PARVB: variants seen among roughly 807,000 people sequenced by gnomAD.
PARVB encodes the protein parvin beta, also known as beta-parvin.
Under a neutral mutation model 47.0 loss-of-function variants are expected in PARVB, and 46 were observed. The observed-to-expected ratio is 0.98, with a 90% CI of 0.77 to 1.25. PARVB has a LOEUF of 1.25. Ranked by LOEUF, PARVB falls within the 50% of genes most tolerant of loss-of-function variation. The probability of loss-of-function intolerance (pLI) is 0.00; values close to 1 mark genes in which losing one functional copy is unlikely to be tolerated. For synonymous variants in PARVB, 196 were observed against 196.3 expected, an observed-to-expected ratio of 1.00 and a Z score of 0.01; for missense variants, 473 against 471.6, an observed-to-expected ratio of 1.00 and a Z score of -0.03.
intron 3 of PARVB, chr22:44,106,505 G>A (rs1368283376): frequency 6.6e-6 from 1 of 152,208 alleles, no homozygotes; most frequent in Non-Finnish European, 1.5e-5. Context: ...ACCGTATGCA[G>A]GCCTGAGCAG....
Position 44,086,811 on chromosome 22 carries a change from A to T in PARVB, c.113-7117A>T, listed in dbSNP as rs145887240. The T allele has an allele frequency of 4.9e-3, 4,779 of 985,220 alleles. 16 individuals are homozygous for T. The highest frequency in any genetic ancestry group is 5.0e-3 in the Non-Finnish European group (4,136 of 829,882). The allele number at this position is 985,220 out of a possible 1,614,324, so 61.0% of individuals were successfully genotyped here. A position where few individuals can be genotyped will look rare whatever the true frequency, so the allele number is the denominator to read the frequency against. On this transcript the variant is annotated intron_variant, in intron 1 of 12. Transcript: ENST00000338758. ...ATTACAGCTTCTACGAAGAAACCAC[A>T]CCCCTCTGAGTACGGATGGAAGTTG...
chr22:44,025,981 CACATAGA>C (rs2050722074), intron 1 of PARVB, among the ~76,000 whole-genome samples: 1 of 152,104 alleles, frequency 6.6e-6, no homozygotes. Flanking sequence ...TGCCCCGGAG[CACATAGA>C]ACAGGGCGAT....
At chr22:44,123,279 C>T (rs975319294) in intron 4 of PARVB, among the ~76,000 whole-genome samples, 9 of 152,190 alleles carry the variant, frequency 5.9e-5, no homozygotes, top group African/African-American at 2.2e-4. Flanking sequence ...TCATTGGTGG[C>T]CCAGATGAGA....
At chr22:44,146,883 C>T (rs573052253) in intron 8 of PARVB, 1 of 152,574 alleles carries the variant, frequency 6.6e-6, no homozygotes, top group African/African-American at 2.4e-5. Context: ...CATGCTCTGC[C>T]TCCAGGAACC....
intron 1 of PARVB, chr22:44,087,134 T>C (rs1400986448): frequency 6.6e-6 from 1 of 152,252 alleles, no homozygotes; most frequent in Non-Finnish European, 1.5e-5. Context: ...TTTCCTGCCA[T>C]TTTCCAGTTC....
At chr22:44,161,729 A>G (rs2054057530) in intron 11 of PARVB, among the ~76,000 whole-genome samples, 1 of 152,188 alleles carries the variant, frequency 6.6e-6, no homozygotes, top group Non-Finnish European at 1.5e-5. Flanking sequence ...GGGAACCTGT[A>G]TGGAATACAC....
intron 4 of PARVB, among the ~76,000 whole-genome samples, chr22:44,124,235 C>T (rs1460266386): frequency 1.3e-5 from 2 of 152,190 alleles, no homozygotes; most frequent in East Asian, 1.9e-4. Context: ...ATTTGCTGAA[C>T]AATCTTTCAG....
At chr22:44,024,014 G>C (rs2050686366), upstream of PARVB, among the ~76,000 whole-genome samples, 1 of 152,230 alleles carries the variant, frequency 6.6e-6, no homozygotes, top group Admixed American at 6.5e-5. Context: ...ACGTGGCAAT[G>C]GTGTCTGTCG....
intron 1 of PARVB, among the ~76,000 whole-genome samples, chr22:44,092,064 G>A (rs1430219370): frequency 6.6e-6 from 1 of 152,120 alleles, no homozygotes; most frequent in Non-Finnish European, 1.5e-5. Flanking sequence ...AAAGACCCTG[G>A]CATTTTTGCA....
intron 2 of PARVB, among the ~76,000 whole-genome samples, chr22:44,012,603 C>G (rs1310764438): frequency 6.6e-6 from 1 of 152,116 alleles, no homozygotes; most frequent in Non-Finnish European, 1.5e-5. Context: ...GTAAGATTGC[C>G]TCAAAAGTAT....
chr22:44,152,566 C>G (rs2053833915), intron 10 of PARVB: 1 of 152,292 alleles, frequency 6.6e-6, no homozygotes, highest in Non-Finnish European at 1.5e-5. Flanking sequence ...AGCCTCTGCT[C>G]AGTGCTGCTG....
At chr22:44,032,118 T>C (rs1461990870) in intron 1 of PARVB, among the ~76,000 whole-genome samples, 1 of 152,236 alleles carries the variant, frequency 6.6e-6, no homozygotes, top group African/African-American at 2.4e-5. Context: ...CTAATTGCTG[T>C]CTTGGTAAAA....
intron 4 of PARVB, among the ~76,000 whole-genome samples, chr22:44,123,254 T>C (rs2053110825): frequency 6.6e-6 from 1 of 152,214 alleles, no homozygotes; most frequent in Non-Finnish European, 1.5e-5. Context: ...ACCATTAGAT[T>C]TGGCACCGGA....
intron 11 of PARVB, among the ~76,000 whole-genome samples, chr22:44,159,867 A>T (rs1569162689): frequency 1.3e-5 from 2 of 151,836 alleles, no homozygotes; most frequent in Non-Finnish European, 2.9e-5. Context: ...GTGGGCTGAG[A>T]CCCCGAGGTG....
chr22:44,040,282 T>C (rs181968501), intron 1 of PARVB, among the ~76,000 whole-genome samples: 40 of 152,014 alleles, frequency 2.6e-4, no homozygotes, highest in African/African-American at 9.1e-4. Flanking sequence ...TACTGATGTC[T>C]GCAACTTACT....
chr22:44,094,172 T>G (rs2052241416), intron 2 of PARVB, among the ~76,000 whole-genome samples, 155 bp downstream of exon 2: 3 of 152,250 alleles, frequency 2.0e-5, no homozygotes, highest in Admixed American at 2.0e-4. Context: ...AAGGTCATCT[T>G]TAGAAAAGTC....
chr22:44,163,735 G>A, intron 11 of PARVB, 123 bp from the exon 12 acceptor site: 1 of 771,334 alleles, frequency 1.3e-6, no homozygotes, highest in Non-Finnish European at 2.0e-6. Flanking sequence ...GGCTCACTGG[G>A]TCCTTGTGGA....
intron 1 of PARVB, among the ~76,000 whole-genome samples, chr22:44,083,998 C>T (rs896877663): frequency 6.6e-6 from 1 of 152,172 alleles, no homozygotes; most frequent in Non-Finnish European, 1.5e-5. Flanking sequence ...AAGGCTTGAT[C>T]CAGCACATAG....
intron 1 of PARVB, among the ~76,000 whole-genome samples, chr22:44,055,882 G>T (rs2051301459): frequency 6.6e-6 from 1 of 152,132 alleles, no homozygotes; most frequent in Non-Finnish European, 1.5e-5. Context: ...ATTGGCCGAG[G>T]CCTATCCGCA....
Sources: gnomAD v4.1 joint callset for allele counts (sites outside exome capture counted in the v4.1 genomes callset) on GRCh38, gnomAD v4.1.1 for gene constraint, MANE v1.5 for transcripts, NCBI Gene and HGNC (gene_info 2026-07-23, HGNC 2026-07-21) for gene names.